Variants in FZD6 observed in about 807,000 individuals in gnomAD.
FZD6 encodes frizzled-6.
A neutral mutation model predicts 61.4 loss-of-function variants in FZD6; 49 were observed. The observed-to-expected ratio is 0.80, with a 90% CI of 0.63 to 1.01. The LOEUF is 1.01. Among genes scored for constraint, FZD6 ranks in the 50% least tolerant of loss-of-function variants. The probability of loss-of-function intolerance (pLI) is 0.00; values close to 1 mark genes in which losing one functional copy is unlikely to be tolerated. For missense variants in FZD6, 724 were observed against 848.2 expected, an observed-to-expected ratio of 0.85 and a Z score of 1.82; for synonymous variants, 265 against 292.2, an observed-to-expected ratio of 0.91 and a Z score of 0.95.
chr8:103,301,922 T>C (rs1408890467), intron 2 of FZD6, among the ~76,000 whole-genome samples: 1 of 152,230 alleles, frequency 6.6e-6, no homozygotes, highest in African/African-American at 2.4e-5. Context: ...TGCCTGGATA[T>C]TATCAAGAAG....
intron 2 of FZD6, among the ~76,000 whole-genome samples, chr8:103,302,037 G>GTT (rs35899322): frequency 6.8e-6 from 1 of 147,890 alleles, no homozygotes; most frequent in African/African-American, 2.5e-5. Flanking sequence ...TACTAATGAA[G>GTT]TTTTTTTTTT....
At chr8:103,320,623 T>A (rs972869834) in intron 3 of FZD6, among the ~76,000 whole-genome samples, 24 of 152,004 alleles carry the variant, frequency 1.6e-4, no homozygotes, top group African/African-American at 5.3e-4. Context: ...GAGGATTTTT[T>A]AAAAAATGAA....
intron 2 of FZD6, among the ~76,000 whole-genome samples, chr8:103,303,651 T>C (rs1586501421): frequency 1.3e-5 from 2 of 152,214 alleles, no homozygotes; most frequent in Non-Finnish European, 2.9e-5. Flanking sequence ...TCCCTCCAAA[T>C]CTTTACATTC....
chr8:103,324,865 G>T lies in FZD6; in HGVS notation c.759G>T (p.Leu253Phe), dbSNP rs1327634438. 1 of 1,613,948 alleles carries T rather than the reference G, an allele frequency of 6.2e-7. No homozygotes were observed. Among genetic ancestry groups the T allele is most frequent in the Admixed American group, 1.7e-5 (1 of 59,998 alleles). The change falls in exon 4 of 7, where the codon TTG (leucine) becomes TTT (phenylalanine). Residue 253 changes from leucine (L) to phenylalanine (F), a missense_variant. Leu to Phe is a conservative substitution (Grantham distance 22). Coordinates refer to ENST00000358755, the MANE Select transcript of FZD6 (RefSeq NM_003506.4). Reference sequence around the variant, plus strand: ...CTCTTATGTACTTCATTGGATTTTTGCTAGGCGATAGCACAGCCTGCAATA... The same window carrying T: ...CTCTTATGTACTTCATTGGATTTTTTCTAGGCGATAGCACAGCCTGCAATA... ...IVSLMYFIGF[L>F]LGDSTACNKA...
chr8:103,313,818 GC>G (rs1357656223), intron 2 of FZD6, among the ~76,000 whole-genome samples: 1 of 150,406 alleles, frequency 6.6e-6, no homozygotes, highest in Non-Finnish European at 1.5e-5. Flanking sequence ...GAAGGGGGGG[GC>G]CCTGTTTCAA....
chr8:103,317,850 G>A (rs1202940711), intron 2 of FZD6, among the ~76,000 whole-genome samples: 1 of 150,334 alleles, frequency 6.7e-6, no homozygotes, highest in African/African-American at 2.4e-5. Context: ...AAGAAAGAAA[G>A]AAAGAAAGAA....
At chr8:103,308,006 A>G (rs1814389740) in intron 2 of FZD6, 3 of 452,698 alleles carry the variant, frequency 6.6e-6, no homozygotes, top group South Asian at 4.7e-5. Flanking sequence ...ACATGATACC[A>G]TATTGAGGGC....
At position 103,328,391 on chromosome 8, in the gene FZD6, T is replaced by C; in HGVS notation, c.1516T>C (p.Phe506Leu). ...AAAGACATGCACAGAATGGGCTGGG[T>C]TTTTTAAACGAAATCGCAAGAGAGA... ...SKKTCTEWAG[F>L]FKRNRKRDPI... Residue 506 changes from phenylalanine (F) to leucine (L), a missense_variant, in exon 5 of 7, where the codon TTT becomes CTT. Transcript: ENST00000358755. 1 of 1,612,618 alleles carries C rather than the reference T, an allele frequency of 6.2e-7. No individual in the cohort carries two copies. Among genetic ancestry groups the C allele is most frequent in the Non-Finnish European group, 8.5e-7 (1 of 1,178,806 alleles).
intron 3 of FZD6, among the ~76,000 whole-genome samples, chr8:103,320,681 T>G (rs900410778): frequency 2.0e-5 from 3 of 151,958 alleles, no homozygotes; most frequent in African/African-American, 7.3e-5. Flanking sequence ...CTTGAGTTGA[T>G]TTTTGGAGAT....
intron 4 of FZD6, among the ~76,000 whole-genome samples, chr8:103,325,972 A>G: frequency 6.6e-6 from 1 of 152,228 alleles, no homozygotes. Context: ...GTCATTTCTC[A>G]ATTGAAAAAA....
At chr8:103,329,001 TTC>T (rs1278669899) in intron 5 of FZD6, among the ~76,000 whole-genome samples, 36 of 54,464 alleles carry the variant, frequency 6.6e-4, no homozygotes, top group African/African-American at 2.1e-3. Flanking sequence ...TTATGAGTAA[TTC>T]ATTTTAGTTT....
chr8:103,300,972 C>T (rs1814152272), intron 2 of FZD6, among the ~76,000 whole-genome samples: 1 of 152,124 alleles, frequency 6.6e-6, no homozygotes, highest in African/African-American at 2.4e-5. Flanking sequence ...CAGACAGGAA[C>T]CTGCCTTCCC....
intron 2 of FZD6, among the ~76,000 whole-genome samples, chr8:103,314,680 A>G (rs1360490224): frequency 1.3e-5 from 2 of 152,084 alleles, no homozygotes; most frequent in Non-Finnish European, 2.9e-5. Flanking sequence ...TTGTCCTCTA[A>G]TTGTTGGGTG....
At position 103,318,645 on chromosome 8, in the gene FZD6, G is replaced by A; in HGVS notation, c.233G>A (p.Cys78Tyr). 1 of 1,611,706 alleles carries A rather than the reference G, an allele frequency of 6.2e-7. No homozygotes were observed. The highest frequency in any genetic ancestry group is 1.1e-5 in the South Asian group (1 of 91,026). ...ECSPNIETFL[C>Y]KAFVPTCIEQ... ...TCACCAAACATTGAAACTTTCCTCT[G>A]CAAAGCATTTGTACCAACCTGCATA... Residue 78 changes from cysteine to tyrosine, a missense_variant, in exon 3 of 7, where the codon TGC becomes TAC. Coordinates refer to ENST00000358755, the MANE Select transcript of FZD6 (RefSeq NM_003506.4).
intron 2 of FZD6, among the ~76,000 whole-genome samples, chr8:103,310,533 G>A (rs1222166809): frequency 6.6e-6 from 1 of 152,094 alleles, no homozygotes; most frequent in East Asian, 1.9e-4. Flanking sequence ...CCAAAGTGCT[G>A]AGATTACAGG....
At chr8:103,298,850 G>A (rs1814054941), upstream of FZD6, 1 of 164,260 alleles carries the variant, frequency 6.1e-6, no homozygotes. Context: ...GCGCAGTCTC[G>A]CGGGATCGCT....
chr8:103,315,042 T>C (rs1319844011), intron 2 of FZD6, among the ~76,000 whole-genome samples: 1 of 152,200 alleles, frequency 6.6e-6, no homozygotes, highest in Non-Finnish European at 1.5e-5. Context: ...TCCCAAAGCT[T>C]ATAGGGAGCC....
At chr8:103,303,670 T>C (rs184762632) in intron 2 of FZD6, among the ~76,000 whole-genome samples, 1 of 152,358 alleles carries the variant, frequency 6.6e-6, no homozygotes, top group Admixed American at 6.5e-5. Context: ...TCCACTTCTA[T>C]CATCTACAGT....
Position 103,324,973 on chromosome 8 carries a change from G to T in FZD6, c.867G>T (p.Leu289Phe). 6.2e-7 allele frequency: 1 copy of T among 1,614,106 alleles called. No individual in the cohort carries two copies. The highest frequency in any genetic ancestry group is 8.5e-7 in the Non-Finnish European group (1 of 1,180,016). The change falls in exon 4 of 7, where the codon TTG becomes TTT. Residue 289 changes from leucine (L) to phenylalanine (F), a missense_variant. Coordinates refer to ENST00000358755, the MANE Select transcript of FZD6 (RefSeq NM_003506.4). ...NKACTVLFML[L>F]YFFTMAGTVW... ...CTTGCACCGTTTTGTTCATGCTTTT[G>T]TATTTTTTCACAATGGCTGGCACTG...
Sources: gnomAD v4.1 joint callset for allele counts (sites outside exome capture counted in the v4.1 genomes callset) on GRCh38, gnomAD v4.1.1 for gene constraint, MANE v1.5 for transcripts, NCBI Gene and HGNC (gene_info 2026-07-23, HGNC 2026-07-21) for gene names.